Variants in ABHD12 observed in about 807,000 individuals in gnomAD.
ABHD12 encodes the protein lysophosphatidylserine lipase ABHD12.
In ABHD12, 43 loss-of-function variants were observed where a neutral mutation model predicts 58.3. That is an observed-to-expected ratio of 0.74 (90% confidence interval 0.58 to 0.95). The LOEUF (loss-of-function observed/expected upper bound fraction) is 0.95. ABHD12 is among the 40% of genes least tolerant of loss of function. The pLI is 0.00. For missense variants in ABHD12, 539 were observed against 537.2 expected, an observed-to-expected ratio of 1.00 and a Z score of -0.03; for synonymous variants, 219 against 211.2, an observed-to-expected ratio of 1.04 and a Z score of -0.32.
chr20:25,323,712 C>CTGTGTAG (rs1406247622), intron 2 of ABHD12, among the ~76,000 whole-genome samples: 1 of 152,274 alleles, frequency 6.6e-6, no homozygotes, highest in African/African-American at 2.4e-5. Flanking sequence ...AGGGCAAGGT[C>CTGTGTAG]TGTGTAGAGA....
intron 2 of ABHD12, among the ~76,000 whole-genome samples, chr20:25,335,715 C>A (rs2089353069): frequency 6.7e-6 from 1 of 148,992 alleles, no homozygotes; most frequent in African/African-American, 2.5e-5. Context: ...GATCAAAAAA[C>A]CAAACACCGC....
At chr20:25,344,337 T>C (rs1018710431) in intron 1 of ABHD12, among the ~76,000 whole-genome samples, 1 of 152,224 alleles carries the variant, frequency 6.6e-6, no homozygotes, top group African/African-American at 2.4e-5. Flanking sequence ...TTAGTGATTA[T>C]AGCAAGGTTC....
In ABHD12 at chr20:25,390,647, G is replaced by A. The variant is rs760354542; in HGVS notation, c.57C>T (p.Gly19=). The part of the protein sequence containing the change: ...ALEHERCAAA[G]SSSSGSAAAA... ...CGGCGGCCGAGCCGGAGGAGGACGAGCCCGCGGCGGCGCAGCGCTCATGCT... is the reference window on the plus strand; with the variant it reads ...CGGCGGCCGAGCCGGAGGAGGACGAACCCGCGGCGGCGCAGCGCTCATGCT... The change falls in exon 1 of 13, where the codon GGC becomes GGT. Residue 19 remains glycine (G), a synonymous_variant. Transcript: ENST00000339157. 9.0e-6 allele frequency: 13 copies of A among 1,444,984 alleles called. No individual in the cohort carries two copies. The East Asian group carries it at 9.4e-5, about 10-fold the overall frequency. 89.5% of individuals were successfully genotyped at this position (1,444,984 alleles called of 1,614,324 possible).
chr20:25,390,487 C>T lies in ABHD12; in HGVS notation c.191+26G>A, dbSNP rs761559263. Reference sequence around the variant, plus strand: ...CAAAGTGAGGGACCGGCCCCCCCCCCCCCCCCGCTCCGCGCGAAGCCTCAC... The same window carrying T: ...CAAAGTGAGGGACCGGCCCCCCCCCTCCCCCCGCTCCGCGCGAAGCCTCAC... On this transcript the variant is annotated intron_variant, in intron 1 of 12. Coordinates refer to ENST00000339157, the MANE Select transcript of ABHD12 (RefSeq NM_001042472.3). 1,706 of 1,296,276 alleles carry T rather than the reference C, an allele frequency of 1.3e-3. 181 individuals are homozygous for T. In the African/African-American group the frequency reaches 0.025, roughly 19 times the overall value. 80.3% of individuals were successfully genotyped at this position (1,296,276 alleles called of 1,614,324 possible).
chr20:25,367,072 G>C (rs1220570096), intron 1 of ABHD12, among the ~76,000 whole-genome samples: 1 of 152,116 alleles, frequency 6.6e-6, no homozygotes, highest in Admixed American at 6.6e-5. Context: ...TTTAAAATTT[G>C]GGATTCTGTT....
intron 1 of ABHD12, among the ~76,000 whole-genome samples, chr20:25,358,512 T>G (rs1193487165): frequency 2.6e-5 from 4 of 152,226 alleles, no homozygotes; most frequent in Admixed American, 2.6e-4. Flanking sequence ...GTTTCCTCAC[T>G]GGTCTGCATT....
chr20:25,353,634 A>AC (rs1276440367), intron 1 of ABHD12, among the ~76,000 whole-genome samples: 3 of 151,966 alleles, frequency 2.0e-5, no homozygotes, highest in African/African-American at 7.3e-5. Context: ...GTTAGCTTCT[A>AC]CCCCCGGCAG....
intron 1 of ABHD12, among the ~76,000 whole-genome samples, chr20:25,345,274 A>G (rs1163594245): frequency 6.6e-6 from 1 of 152,044 alleles, no homozygotes. Flanking sequence ...TTTAGTAGAG[A>G]CGGGGTTTCA....
At chr20:25,362,308 C>G (rs2089760449) in intron 1 of ABHD12, among the ~76,000 whole-genome samples, 1 of 151,780 alleles carries the variant, frequency 6.6e-6, no homozygotes, top group Non-Finnish European at 1.5e-5. Flanking sequence ...GGCACAGTGG[C>G]TTACAATCCC....
At chr20:25,308,765 T>C (rs571270151) in intron 7 of ABHD12, among the ~76,000 whole-genome samples, 6 of 152,218 alleles carry the variant, frequency 3.9e-5, no homozygotes, top group South Asian at 4.1e-4. Flanking sequence ...TACACTCCCA[T>C]TGGCCGGGCC....
At chr20:25,309,352 G>A (rs2088806679) in intron 7 of ABHD12, 94 bp downstream of exon 7, 1 of 1,584,802 alleles carries the variant, frequency 6.3e-7, no homozygotes. Flanking sequence ...GTGCCACAGG[G>A]TTTGCAGGGA....
chr20:25,364,755 A>C (rs1416671515), intron 1 of ABHD12, among the ~76,000 whole-genome samples: 2 of 152,232 alleles, frequency 1.3e-5, no homozygotes, highest in Non-Finnish European at 2.9e-5. Flanking sequence ...ATTTTCACCT[A>C]AATCACTGGC....
At position 25,308,003 on chromosome 20, in the gene ABHD12, T is replaced by C. The variant is rs2145931337; in HGVS notation, c.830A>G (p.Asn277Ser). 6 of 1,609,818 alleles carry C rather than the reference T, an allele frequency of 3.7e-6. No individual in the cohort carries two copies. The highest frequency in any genetic ancestry group is 5.1e-6 in the Non-Finnish European group (6 of 1,176,056). Reference sequence around the variant, plus strand: ...ATGGCTCTTAGCTTCTTCGCGGATATTAGTGAATGGAGATTCCAATATAAG... The same window carrying C: ...ATGGCTCTTAGCTTCTTCGCGGATACTAGTGAATGGAGATTCCAATATAAG... Reference protein sequence around the residue: ...DALILESPFTNIREEAKSHPF... With the variant: ...DALILESPFTSIREEAKSHPF... The change falls in exon 9 of 13, where the codon AAT becomes AGT. Residue 277 changes from asparagine (N) to serine (S), a missense_variant. Physicochemically the swap from Asn to Ser is conservative, Grantham distance 46. Coordinates refer to ENST00000339157, the MANE Select transcript of ABHD12 (RefSeq NM_001042472.3).
chr20:25,311,610 T>C (rs2088850467), intron 6 of ABHD12, among the ~76,000 whole-genome samples: 2 of 152,196 alleles, frequency 1.3e-5, no homozygotes, highest in African/African-American at 2.4e-5. Flanking sequence ...GGTCTGAGGA[T>C]AGACACGCCA....
chr20:25,295,800 T>TG, downstream of ABHD12: 1 of 1,039,512 alleles, frequency 9.6e-7, no homozygotes, highest in Non-Finnish European at 1.5e-6. Context: ...GATTCTGATC[T>TG]GTCATCAGTC....
At chr20:25,326,777 G>A (rs1355206594) in intron 2 of ABHD12, among the ~76,000 whole-genome samples, 2 of 152,030 alleles carry the variant, frequency 1.3e-5, no homozygotes, top group East Asian at 1.9e-4. Flanking sequence ...TATACCTGTT[G>A]TTAGCTGTTC....
intron 2 of ABHD12, among the ~76,000 whole-genome samples, chr20:25,332,058 C>T (rs2089285879): frequency 6.6e-6 from 1 of 152,056 alleles, no homozygotes; most frequent in Admixed American, 6.6e-5. Flanking sequence ...ATTCAGGAAA[C>T]CCATCTCACG....
At chr20:25,326,018 C>T (rs57140481) in intron 2 of ABHD12, among the ~76,000 whole-genome samples, 1 of 147,154 alleles carries the variant, frequency 6.8e-6, no homozygotes, top group Non-Finnish European at 1.5e-5. Context: ...TTGCAGTGAG[C>T]TGAGATCATG....
chr20:25,387,936 G>T (rs780873845), intron 1 of ABHD12, among the ~76,000 whole-genome samples: 1 of 151,472 alleles, frequency 6.6e-6, no homozygotes, highest in African/African-American at 2.4e-5. Flanking sequence ...AGCTACTCAG[G>T]AGGCTGGGGC....
Sources: gnomAD v4.1 joint callset for allele counts (sites outside exome capture counted in the v4.1 genomes callset) on GRCh38, gnomAD v4.1.1 for gene constraint, MANE v1.5 for transcripts, NCBI Gene and HGNC (gene_info 2026-07-23, HGNC 2026-07-21) for gene names.